Variants in GSG1L observed in about 807,000 individuals in gnomAD.
The protein encoded by GSG1L is GSG1 like.
Under a neutral mutation model 42.1 loss-of-function variants are expected in GSG1L, and 24 were observed. The observed-to-expected ratio is 0.57, with a 90% CI of 0.41 to 0.80. The LOEUF is 0.80. Among genes scored for constraint, GSG1L ranks in the 30% least tolerant of loss-of-function variants. GSG1L has a pLI of 0.00. For missense variants in GSG1L, 445 were observed against 472.2 expected (o/e 0.94, Z 0.53); for synonymous variants, 215 against 203.5 (o/e 1.06, Z -0.48).
In GSG1L at chr16:28,063,054, GC is replaced by G; in HGVS notation, c.349+21del. On this transcript the variant is annotated intron_variant, in intron 1 of 6. Transcript: ENST00000447459. The surrounding 1 kb of genome is among the most constrained non-coding windows in gnomAD (Gnocchi z 5.8). ...CCCCGGGGGAGCCGGAGCCGAGCTG[GC>G]CGCCGCCCGCGCGCACTCACCAAGC... 1 of 1,394,644 alleles carries G rather than the reference GC, an allele frequency of 7.2e-7. No individual in the cohort carries two copies. Among genetic ancestry groups the G allele is most frequent in the Non-Finnish European group, 9.4e-7 (1 of 1,068,156 alleles). The allele number at this position is 1,394,644 out of a possible 1,614,324, so 86.4% of individuals were successfully genotyped here. A position where few individuals can be genotyped will look rare whatever the true frequency, so the allele number is the denominator to read the frequency against.
In GSG1L at chr16:28,063,292, C is replaced by G. The variant is rs968327594; in HGVS notation, c.133G>C (p.Gly45Arg). The change falls in exon 1 of 7, where the codon GGC becomes CGC. Residue 45 changes from glycine to arginine, a missense_variant. Transcript: ENST00000447459. The surrounding 1 kb of genome is among the most constrained non-coding windows in gnomAD (Gnocchi z 5.8). The stretch of plus-strand genomic sequence containing the variant: ...GGGCAGTTGGCGCGCCCGCCCTGGC[C>G]GCAGCCCGGCTTGGGGACCCGCTGC... ...GTQRVPKPGC[G>R]QGGRANCPNS... 3 of 1,379,114 alleles carry G rather than the reference C, an allele frequency of 2.2e-6. No individual in the cohort carries two copies. Among genetic ancestry groups the G allele is most frequent in the African/African-American group, 3.0e-5 (2 of 65,680 alleles). The allele number at this position is 1,379,114 out of a possible 1,614,324, so 85.4% of individuals were successfully genotyped here. A position where few individuals can be genotyped will look rare whatever the true frequency, so the allele number is the denominator to read the frequency against.
At chr16:27,885,086 T>C (rs1427927327) in intron 2 of GSG1L, among the ~76,000 whole-genome samples, 2 of 152,208 alleles carry the variant, frequency 1.3e-5, no homozygotes, top group African/African-American at 2.4e-5. Flanking sequence ...GTTAGGCCAG[T>C]TAGTGAGAGG....
intron 2 of GSG1L, among the ~76,000 whole-genome samples, chr16:27,925,767 A>G (rs889510171): frequency 6.6e-6 from 1 of 152,154 alleles, no homozygotes; most frequent in African/African-American, 2.4e-5. Flanking sequence ...GCTGGGGGTG[A>G]CAAGGTGAAA....
intron 3 of GSG1L, among the ~76,000 whole-genome samples, chr16:27,847,255 A>G (rs548668809): frequency 2.0e-5 from 3 of 152,330 alleles, no homozygotes; most frequent in East Asian, 3.9e-4. Context: ...TCCTGAAACT[A>G]TAAATGGAAT....
chr16:28,006,022 T>C (rs1034000312), intron 1 of GSG1L, among the ~76,000 whole-genome samples: 1 of 152,132 alleles, frequency 6.6e-6, no homozygotes, highest in African/African-American at 2.4e-5. Flanking sequence ...CTTCCCCAGC[T>C]GCAGGAAGAG....
intron 1 of GSG1L, among the ~76,000 whole-genome samples, chr16:27,984,807 G>C (rs1048112851): frequency 1.3e-5 from 2 of 150,814 alleles, no homozygotes; most frequent in East Asian, 3.9e-4. Context: ...ACTCAGGCTT[G>C]AGTGCAGTGG....
intron 1 of GSG1L, among the ~76,000 whole-genome samples, chr16:28,043,609 TAC>T (rs1491114242): frequency 6.6e-6 from 1 of 152,158 alleles, no homozygotes; most frequent in Non-Finnish European, 1.5e-5. Context: ...AGGAGAAAAG[TAC>T]ACTTAAAATG....
intron 1 of GSG1L, among the ~76,000 whole-genome samples, chr16:28,031,403 G>A (rs1264280686): frequency 1.3e-5 from 2 of 148,888 alleles, no homozygotes. Flanking sequence ...GATGGGATAG[G>A]TTGGGATGGG....
chr16:28,063,373 G>C lies in GSG1L; in HGVS notation c.52C>G (p.Leu18Val), dbSNP rs1438653141. The change falls in exon 1 of 7, where the codon CTG becomes GTG. Residue 18 changes from leucine (L) to valine (V), a missense_variant. Around this residue, in one of 3 missense-constraint regions of GSG1L, gnomAD observed 156 missense variants for 128.3 expected, o/e 1.22. Transcript: ENST00000447459. The surrounding 1 kb of genome is among the most constrained non-coding windows in gnomAD (Gnocchi z 5.8). ...GCGGTGGTGGCGAACAGCAGCGCCA[G>C]CAGGTTCAGGGCCACGGCCAGGAGC... ...RALLAVALNLLALLFATTAFL... is the reference protein window; with the variant it reads ...RALLAVALNLVALLFATTAFL... 1 of 1,398,992 alleles carries C rather than the reference G, an allele frequency of 7.1e-7. No individual in the cohort carries two copies. The highest frequency in any genetic ancestry group is 9.4e-7 in the Non-Finnish European group (1 of 1,068,936). 86.7% of individuals were successfully genotyped at this position (1,398,992 alleles called of 1,614,324 possible). A position where few individuals can be genotyped will look rare whatever the true frequency, so the allele number is the denominator to read the frequency against.
At chr16:28,050,478 C>A (rs970648779) in intron 1 of GSG1L, among the ~76,000 whole-genome samples, 2 of 152,084 alleles carry the variant, frequency 1.3e-5, no homozygotes, top group African/African-American at 2.4e-5. Context: ...GAGGACAGAT[C>A]CTTAAAGAAG....
intron 6 of GSG1L, among the ~76,000 whole-genome samples, chr16:27,804,593 C>G (rs1349161453): frequency 6.6e-6 from 1 of 151,282 alleles, no homozygotes; most frequent in African/African-American, 2.4e-5. Context: ...GGCTGACGTG[C>G]AGCAGATGCT....
chr16:27,882,929 G>A (rs1452835938), intron 3 of GSG1L, among the ~76,000 whole-genome samples: 1 of 152,072 alleles, frequency 6.6e-6, no homozygotes, highest in Non-Finnish European at 1.5e-5. Context: ...AACATAGCAA[G>A]ACCCTATCTC....
intron 6 of GSG1L, among the ~76,000 whole-genome samples, chr16:27,806,165 C>T (rs1844099148): frequency 6.6e-6 from 1 of 152,088 alleles, no homozygotes; most frequent in African/African-American, 2.4e-5. Context: ...TCCAGGAAGC[C>T]CTCCAAGCTA....
At chr16:27,947,056 AC>A (rs1245309531) in intron 2 of GSG1L, among the ~76,000 whole-genome samples, 2 of 152,128 alleles carry the variant, frequency 1.3e-5, no homozygotes, top group African/African-American at 4.8e-5. Context: ...TGGAATCTGA[AC>A]CCAGAGCCCG....
chr16:28,026,772 C>G (rs205380), intron 1 of GSG1L, among the ~76,000 whole-genome samples: 32,137 of 152,088 alleles, frequency 0.21, 3,796 homozygotes, highest in South Asian at 0.48. Context: ...GCAAGGCACA[C>G]GACCAAATTC....
At chr16:27,950,700 T>C (rs1454580186) in intron 2 of GSG1L, among the ~76,000 whole-genome samples, 1 of 152,134 alleles carries the variant, frequency 6.6e-6, no homozygotes. Flanking sequence ...AGTTGACCTC[T>C]CTGGGCTCTC....
Position 27,791,403 on chromosome 16 carries a change from G to C in GSG1L, c.963C>G (p.Asn321Lys), listed in dbSNP as rs780519180. The change falls in exon 7 of 7, where the codon AAC becomes AAG. Residue 321 changes from asparagine to lysine, a missense_variant. By Grantham distance (94) the Asn-to-Lys change is moderately conservative. Coordinates refer to ENST00000447459, the MANE Select transcript of GSG1L (RefSeq NM_001109763.2). ...RSSAQEAPEL[N>K]RQCWVLGHWV ...AGTGCCCCAAGACCCAGCACTGTCG[G>C]TTCAGCTCTGGTGCTTCCTGTGCGG... 6.6e-7 allele frequency: 1 copy of C among 1,522,424 alleles called. No individual in the cohort carries two copies. 94.3% of individuals were successfully genotyped at this position (1,522,424 alleles called of 1,614,324 possible).
intron 1 of GSG1L, among the ~76,000 whole-genome samples, chr16:28,010,872 G>A (rs997256216): frequency 4.6e-5 from 7 of 152,154 alleles, no homozygotes; most frequent in African/African-American, 1.7e-4. Flanking sequence ...AACTGCCTCT[G>A]ACAGGAAGTT....
At chr16:27,903,011 C>T (rs992247358) in intron 2 of GSG1L, among the ~76,000 whole-genome samples, 1 of 151,930 alleles carries the variant, frequency 6.6e-6, no homozygotes, top group Non-Finnish European at 1.5e-5. Flanking sequence ...GGCGGCCAGG[C>T]GAGCCGAGTG....
Sources: allele counts gnomAD v4.1 joint callset (sites outside exome capture counted in the v4.1 genomes callset), GRCh38; gene constraint gnomAD v4.1.1; regional missense constraint gnomAD v4.1.1; non-coding constraint Gnocchi (gnomAD v3.1); transcripts MANE v1.5; gene names NCBI Gene and HGNC (gene_info 2026-07-23, HGNC 2026-07-21).